ZNF354B: variants seen among roughly 807,000 people sequenced by gnomAD.
The protein encoded by ZNF354B is zinc finger protein 354B.
In ZNF354B, 10 loss-of-function variants were observed where a neutral mutation model predicts 12.9. That is an observed-to-expected ratio of 0.77 (90% CI 0.48 to 1.31). The LOEUF (loss-of-function observed/expected upper bound fraction) is 1.31. Ranked by LOEUF, ZNF354B falls within the 40% of genes most tolerant of loss-of-function variation. The pLI is 0.00. For missense variants in ZNF354B, 614 were observed against 711.7 expected (o/e 0.86, Z 1.56); for synonymous variants, 260 against 243.7 (o/e 1.07, Z -0.62).
chr5:178,869,492 CT>C (rs1415843627), intron 4 of ZNF354B, among the ~76,000 whole-genome samples: 1 of 152,164 alleles, frequency 6.6e-6, no homozygotes, highest in Non-Finnish European at 1.5e-5. Context: ...GGGCGTCAGT[CT>C]GGCCATTATG....
chr5:178,881,044 A>G (rs1024698411), intron 4 of ZNF354B, among the ~76,000 whole-genome samples: 5 of 151,634 alleles, frequency 3.3e-5, no homozygotes, highest in African/African-American at 4.9e-5. Context: ...GGGTTTCGCC[A>G]TGTTGGCCAG....
intron 1 of ZNF354B, 140 bp downstream of exon 1, chr5:178,860,267 C>T (rs967387326): frequency 6.6e-6 from 1 of 152,000 alleles, no homozygotes; most frequent in Non-Finnish European, 1.5e-5. Context: ...AGGACTTGGA[C>T]TCTCGCCCCT....
chr5:178,881,354 C>G (rs1175038145), intron 4 of ZNF354B, among the ~76,000 whole-genome samples: 4 of 152,152 alleles, frequency 2.6e-5, no homozygotes, highest in Non-Finnish European at 5.9e-5. Context: ...ATCCACACAA[C>G]TAAAAAATCA....
At chr5:178,866,199 C>T (rs775579412) in intron 2 of ZNF354B, 45 bp from the exon 3 acceptor site, 4 of 1,609,550 alleles carry the variant, frequency 2.5e-6, no homozygotes, top group Non-Finnish European at 3.4e-6. Context: ...CCCCTCCACT[C>T]TGTGAGGGTG....
chr5:178,868,302 A>C (rs1374385488), intron 4 of ZNF354B, among the ~76,000 whole-genome samples: 2 of 148,520 alleles, frequency 1.3e-5, no homozygotes, highest in Admixed American at 6.7e-5. Context: ...GTGCTTAAGC[A>C]GGAGGAATCT....
intron 4 of ZNF354B, among the ~76,000 whole-genome samples, chr5:178,870,642 G>C (rs1757548501): frequency 6.6e-6 from 1 of 152,156 alleles, no homozygotes; most frequent in Admixed American, 6.5e-5. Context: ...GGTGGTGAAC[G>C]GAGGGGTTGC....
chr5:178,870,379 C>T (rs1372744944), intron 4 of ZNF354B, among the ~76,000 whole-genome samples: 2 of 152,114 alleles, frequency 1.3e-5, no homozygotes, highest in South Asian at 2.1e-4. Flanking sequence ...CAGGTTTAAG[C>T]GATTCTTGTG....
At chr5:178,876,209 T>C (rs1757635507) in intron 4 of ZNF354B, among the ~76,000 whole-genome samples, 1 of 152,148 alleles carries the variant, frequency 6.6e-6, no homozygotes, top group African/African-American at 2.4e-5. Flanking sequence ...CAGGTAGGCT[T>C]GATGGTTGTG....
At chr5:178,880,805 A>G (rs1757705452) in intron 4 of ZNF354B, among the ~76,000 whole-genome samples, 1 of 141,196 alleles carries the variant, frequency 7.1e-6, no homozygotes, top group African/African-American at 2.7e-5. Context: ...CCATCACCCA[A>G]TTTCAGTAGT....
chr5:178,884,105 A>G lies in ZNF354B; in HGVS notation c.1653A>G (p.Lys551=). 6.2e-7 allele frequency: 1 copy of G among 1,614,084 alleles called. No individual in the cohort carries two copies. Among genetic ancestry groups the G allele is most frequent in the Non-Finnish European group, 8.5e-7 (1 of 1,179,966 alleles). Residue 551 remains lysine, a synonymous_variant, in exon 5 of 5, where the codon AAA becomes AAG. Coordinates refer to ENST00000322434, the MANE Select transcript of ZNF354B (RefSeq NM_058230.3). ...TTCATACAGGAGAAAAACCCTTTAA[A>G]TGTAATACATGTGGAAAAACTTTTA... ...QRIHTGEKPF[K]CNTCGKTFRQ...
chr5:178,870,469 C>T (rs562938146), intron 4 of ZNF354B, among the ~76,000 whole-genome samples: 177 of 152,098 alleles, frequency 1.2e-3, no homozygotes, highest in Non-Finnish European at 1.8e-3. Context: ...TAGTAGAGAC[C>T]GCGTTTTGCC....
At chr5:178,865,290 A>T (rs971157992) in intron 2 of ZNF354B, among the ~76,000 whole-genome samples, 1 of 151,492 alleles carries the variant, frequency 6.6e-6, no homozygotes, top group Non-Finnish European at 1.5e-5. Context: ...CTTTTTTGAG[A>T]TGGAGTCTCA....
intron 4 of ZNF354B, among the ~76,000 whole-genome samples, chr5:178,869,762 G>A (rs1757532479): frequency 6.6e-6 from 1 of 152,136 alleles, no homozygotes; most frequent in South Asian, 2.1e-4. Context: ...GGACGTCAGA[G>A]CTGTTTCCTG....
chr5:178,870,509 A>G (rs1757545463), intron 4 of ZNF354B, among the ~76,000 whole-genome samples: 1 of 152,122 alleles, frequency 6.6e-6, no homozygotes, highest in Non-Finnish European at 1.5e-5. Flanking sequence ...CGAACTTCTG[A>G]CCTGAAATGA....
chr5:178,868,743 C>A (rs1325185810), intron 4 of ZNF354B, among the ~76,000 whole-genome samples: 1 of 151,936 alleles, frequency 6.6e-6, no homozygotes, highest in Non-Finnish European at 1.5e-5. Context: ...GAGGCCGAGG[C>A]GGGCAGATCA....
rs1272776393 is a variant in ZNF354B, at chr5:178,883,290, A to C, written c.838A>C (p.Ser280Arg). Residue 280 changes from serine to arginine, a missense_variant, in exon 5 of 5, where the codon AGC (serine) becomes CGC (arginine). By Grantham distance (110) the Ser-to-Arg change is moderately radical. Coordinates refer to ENST00000322434, the MANE Select transcript of ZNF354B (RefSeq NM_058230.3). ...YICKECGKAF[S>R]HSASLCKHLR... ...ATGTAAAGAATGTGGGAAAGCCTTC[A>C]GCCATAGTGCATCCCTTTGTAAGCA... 1 of 1,613,438 alleles carries C rather than the reference A, an allele frequency of 6.2e-7. No individual in the cohort carries two copies. The highest frequency in any genetic ancestry group is 8.5e-7 in the Non-Finnish European group (1 of 1,179,854).
chr5:178,861,572 C>T (rs1581806097), intron 2 of ZNF354B, among the ~76,000 whole-genome samples: 1 of 152,074 alleles, frequency 6.6e-6, no homozygotes, highest in African/African-American at 2.4e-5. Flanking sequence ...TATTGTAGAC[C>T]GTTTTCATTT....
chr5:178,880,590 C>T (rs1468784559), intron 4 of ZNF354B, among the ~76,000 whole-genome samples: 8 of 148,654 alleles, frequency 5.4e-5, no homozygotes, highest in African/African-American at 2.0e-4. Flanking sequence ...GCCTCCTGGG[C>T]TCAAGTGATC....
chr5:178,881,954 T>G (rs1160851077), intron 4 of ZNF354B, among the ~76,000 whole-genome samples: 1 of 152,262 alleles, frequency 6.6e-6, no homozygotes, highest in Non-Finnish European at 1.5e-5. Flanking sequence ...TATTGCCTGA[T>G]TGCATTGGTT....
Sources: gnomAD v4.1 joint callset for allele counts (sites outside exome capture counted in the v4.1 genomes callset) on GRCh38, gnomAD v4.1.1 for gene constraint, MANE v1.5 for transcripts, NCBI Gene and HGNC (gene_info 2026-07-23, HGNC 2026-07-21) for gene names.